Variants in RAD51C observed in about 807,000 individuals in gnomAD.
RAD51C encodes the protein RAD51 paralog C.
A neutral mutation model predicts 45.0 loss-of-function variants in RAD51C; 42 were observed. The observed-to-expected ratio is 0.93, with a 90% CI of 0.73 to 1.21. The LOEUF (loss-of-function observed/expected upper bound fraction) is 1.21. RAD51C is among the 50% of genes most tolerant of loss of function. The pLI is 0.00. For missense variants in RAD51C, 474 were observed against 452.2 expected (o/e 1.05, Z -0.44); for synonymous variants, 172 against 159.8 (o/e 1.08, Z -0.58).
chr17:58,695,145 A>G lies in RAD51C; in HGVS notation c.360A>G (p.Thr120=). 1 of 1,613,836 alleles carries G rather than the reference A, an allele frequency of 6.2e-7. No homozygotes were observed. Among genetic ancestry groups the G allele is most frequent in the East Asian group, 2.2e-5 (1 of 44,868 alleles). ...ILGGGVPLMK[T]TEICGAPGVG... ...GGGGTGGAGTGCCCTTAATGAAAAC[A>G]ACAGAAATTTGTGGTGCACCAGGTG... Residue 120 remains threonine, a synonymous_variant, in exon 2 of 9, where the codon ACA becomes ACG. Transcript: ENST00000337432.
chr17:58,725,790 C>CAAGACCATCCTGGCCAACATGGTGA (rs1212199425), intron 7 of RAD51C, among the ~76,000 whole-genome samples: 2 of 151,990 alleles, frequency 1.3e-5, no homozygotes, highest in Non-Finnish European at 2.9e-5. Context: ...GTCAAGAGAT[C>CAAGACCATCCTGGCCAACATGGTGA]AAGACCATCC....
intron 4 of RAD51C, among the ~76,000 whole-genome samples, chr17:58,704,439 AT>A (rs879696109): frequency 3.3e-3 from 465 of 142,610 alleles, no homozygotes; most frequent in Non-Finnish European, 3.2e-3. Flanking sequence ...CGCCTGGCTA[AT>A]TTTTTTTTTT....
intron 7 of RAD51C, among the ~76,000 whole-genome samples, chr17:58,730,203 C>T (rs1167631090): frequency 2.1e-5 from 3 of 140,662 alleles, no homozygotes; most frequent in Admixed American, 1.5e-4. Context: ...CTCGCCCTGT[C>T]GCCCAGGCTG....
chr17:58,732,366 A>G, intron 7 of RAD51C, 118 bp from the exon 8 acceptor site: 1 of 840,504 alleles, frequency 1.2e-6, no homozygotes. Context: ...GTTCTTAGAG[A>G]AAAAATAGAA....
intron 5 of RAD51C, among the ~76,000 whole-genome samples, chr17:58,715,759 A>G (rs765311053): frequency 2.0e-5 from 3 of 152,176 alleles, no homozygotes; most frequent in Non-Finnish European, 4.4e-5. Context: ...GCATGGCAGA[A>G]ATATTTTTAA....
At position 58,732,482 on chromosome 17, in the gene RAD51C, A is replaced by T; in HGVS notation, c.966-2A>T. Reference sequence around the variant, plus strand: ...ATGTATTTATTCTTTTTCTTTAAGCAGGTTGGCAACATTGTACAAGTCACC... The same window carrying T: ...ATGTATTTATTCTTTTTCTTTAAGCTGGTTGGCAACATTGTACAAGTCACC... On this transcript the variant is annotated splice_acceptor_variant, in intron 7 of 8. Transcript: ENST00000337432. LOFTEE classifies it high-confidence loss of function. 1 of 1,611,898 alleles carries T rather than the reference A, an allele frequency of 6.2e-7. No individual in the cohort carries two copies. The highest frequency in any genetic ancestry group is 8.5e-7 in the Non-Finnish European group (1 of 1,178,136).
chr17:58,726,907 G>C (rs541516368), intron 7 of RAD51C, among the ~76,000 whole-genome samples: 2 of 151,584 alleles, frequency 1.3e-5, no homozygotes, highest in African/African-American at 4.8e-5. Flanking sequence ...TGCAAGCTCT[G>C]CCTCCCAGGT....
chr17:58,729,303 G>A (rs1019523010), intron 7 of RAD51C, among the ~76,000 whole-genome samples: 5 of 149,818 alleles, frequency 3.3e-5, no homozygotes, highest in Non-Finnish European at 5.9e-5. Flanking sequence ...CTACAACCTC[G>A]GCCTCCCGGG....
intron 3 of RAD51C, chr17:58,700,202 G>C (rs1215051548): frequency 1.3e-5 from 2 of 152,084 alleles, no homozygotes; most frequent in East Asian, 3.9e-4. Flanking sequence ...GGACTCCCCT[G>C]TGTTGTTACA....
At chr17:58,722,679 A>AT (rs1159585602) in intron 6 of RAD51C, among the ~76,000 whole-genome samples, 2 of 152,144 alleles carry the variant, frequency 1.3e-5, no homozygotes, top group Non-Finnish European at 2.9e-5. Flanking sequence ...CCTTAAAGAG[A>AT]TTTAAAAATC....
rs771168730 is a variant in RAD51C at position 58,703,343 on chromosome 17, T to C, written c.705+14T>C. On this transcript the variant is annotated intron_variant, in intron 4 of 8. Transcript: ENST00000337432. ...GAACACTCAAAGGTATGAGTCAGAC[T>C]ACTGAAATGTAACTAACCAAGTATT... 1.4e-5 allele frequency: 22 copies of C among 1,606,744 alleles called. No homozygotes were observed. Among genetic ancestry groups the C allele is most frequent in the Non-Finnish European group, 1.8e-5 (21 of 1,174,148 alleles).
chr17:58,734,011 T>A (rs2144059104), intron 8 of RAD51C, 107 bp from the exon 9 acceptor site: 1 of 1,506,008 alleles, frequency 6.6e-7, no homozygotes, highest in East Asian at 2.5e-5. Context: ...CCACTGCGCC[T>A]GGCCCTAGAA....
chr17:58,718,820 C>T (rs959960562), intron 5 of RAD51C, among the ~76,000 whole-genome samples: 2 of 151,944 alleles, frequency 1.3e-5, no homozygotes, highest in Non-Finnish European at 2.9e-5. Context: ...AAATTATAAA[C>T]AGTAATACTA....
rs932071886 is a variant in RAD51C, at chr17:58,722,623, A to G, written c.905-1417A>G. ...TATGATAGGTCACTGCTCATTTTAC[A>G]TTACTATCAGTTTAGTTTCCTTTAT... On this transcript the variant is annotated intron_variant, in intron 6 of 8. Coordinates refer to ENST00000337432, the MANE Select transcript of RAD51C (RefSeq NM_058216.3). 3.3e-5 allele frequency among the ~76,000 whole-genome samples: 5 copies of G among 152,138 alleles called. No individual in the cohort carries two copies. The East Asian group carries it at 5.8e-4, about 18-fold the overall frequency.
chr17:58,719,786 T>TAGCG (rs1391824244), intron 5 of RAD51C, among the ~76,000 whole-genome samples: 3 of 149,884 alleles, frequency 2.0e-5, no homozygotes, highest in African/African-American at 7.4e-5. Flanking sequence ...TGGAGTGCAG[T>TAGCG]AGCGCTATCT....
At chr17:58,728,088 C>A (rs1024805260) in intron 7 of RAD51C, among the ~76,000 whole-genome samples, 2 of 151,452 alleles carry the variant, frequency 1.3e-5, no homozygotes, top group East Asian at 3.9e-4. Context: ...ACTAAAAATA[C>A]AAAAAAATTA....
In RAD51C at chr17:58,734,181, A is replaced by G. The variant is rs587782565; in HGVS notation, c.1090A>G (p.Ser364Gly). The G allele has an allele frequency of 2.1e-5, 34 of 1,613,526 alleles. No individual in the cohort carries two copies. The highest frequency in any genetic ancestry group is 2.9e-5 in the Non-Finnish European group (34 of 1,179,692). Residue 364 changes from serine (S) to glycine (G), a missense_variant, in exon 9 of 9, where the codon AGC becomes GGC. By Grantham distance (56) the Ser-to-Gly change is moderately conservative. Coordinates refer to ENST00000337432, the MANE Select transcript of RAD51C (RefSeq NM_058216.3). ...TTCATTGCAAACAGAAGGTTCCTTG[A>G]GCACCCGGAAACGGTCACGAGACCC... ...ACSLQTEGSL[S>G]TRKRSRDPEE...
Position 58,724,026 on chromosome 17 carries a change from T to C in RAD51C, c.905-14T>C. On this transcript the variant is annotated splice_polypyrimidine_tract_variant and intron_variant, in intron 6 of 8. Transcript: ENST00000337432. ...AGTAAGGCCATATACAGTTATTATG[T>C]TTTTTACTCTCAGGGGAAAGTTGGG... 1.2e-6 allele frequency: 2 copies of C among 1,607,180 alleles called. No individual in the cohort carries two copies.
At chr17:58,696,518 C>G (rs28363306) in intron 2 of RAD51C, among the ~76,000 whole-genome samples, 175 bp from the exon 3 acceptor site, 7 of 152,148 alleles carry the variant, frequency 4.6e-5, no homozygotes, top group African/African-American at 1.7e-4. Context: ...TACATATAGT[C>G]GATTGGTTCA....
Sources: allele counts gnomAD v4.1 joint callset (sites outside exome capture counted in the v4.1 genomes callset), GRCh38; gene constraint gnomAD v4.1.1; transcripts MANE v1.5; gene names NCBI Gene and HGNC (gene_info 2026-07-23, HGNC 2026-07-21).